DENND2B: variants seen among roughly 807,000 people sequenced by gnomAD.
DENND2B encodes the protein DENN domain-containing protein 2B.
In DENND2B, 32 loss-of-function variants were observed where a neutral mutation model predicts 116.0. That is an observed-to-expected ratio of 0.28 (90% CI 0.21 to 0.37). The LOEUF is 0.37. DENND2B is among the 10% of genes least tolerant of loss of function. The pLI is 1.00. For synonymous variants in DENND2B, 588 were observed against 583.9 expected (o/e 1.01, Z -0.10); for missense variants, 1,276 against 1,477.7 (o/e 0.86, Z 2.24).
chr11:8,696,211 A>G (rs191703252), intron 18 of DENND2B, among the ~76,000 whole-genome samples: 3 of 152,292 alleles, frequency 2.0e-5, no homozygotes, highest in East Asian at 3.9e-4. Context: ...GATGAGTCCT[A>G]CCTCTAGCCA....
At chr11:8,754,050 C>CACACACACACACACAG (rs2134069568) in intron 1 of DENND2B, among the ~76,000 whole-genome samples, 1 of 152,140 alleles carries the variant, frequency 6.6e-6, no homozygotes, top group East Asian at 1.9e-4. Flanking sequence ...CACACACACA[C>CACACACACACACACAG]ACACACACAC....
At chr11:8,700,033 A>G (rs907205868) in intron 14 of DENND2B, 3 of 455,496 alleles carry the variant, frequency 6.6e-6, no homozygotes, top group Admixed American at 4.7e-5. Flanking sequence ...AGGAAACAAT[A>G]GCTGTATTCA....
At chr11:8,841,002 C>G (rs1455832685) in intron 3 of DENND2B, among the ~76,000 whole-genome samples, 1 of 152,168 alleles carries the variant, frequency 6.6e-6, no homozygotes, top group Non-Finnish European at 1.5e-5. Flanking sequence ...ATGAAACAAG[C>G]TGGACAGTCA....
At chr11:8,817,640 G>C (rs1482164277) in intron 4 of DENND2B, among the ~76,000 whole-genome samples, 1 of 151,980 alleles carries the variant, frequency 6.6e-6, no homozygotes, top group African/African-American at 2.4e-5. Flanking sequence ...TTCATGCTAG[G>C]TTGCGCCCCC....
intron 2 of DENND2B, among the ~76,000 whole-genome samples, chr11:8,748,436 G>T (rs1409680085): frequency 6.6e-6 from 1 of 152,210 alleles, no homozygotes; most frequent in East Asian, 1.9e-4. Flanking sequence ...AAATGAACTG[G>T]TGATTTACTG....
At chr11:8,823,032 G>C (rs1367744222) in intron 4 of DENND2B, among the ~76,000 whole-genome samples, 1 of 152,048 alleles carries the variant, frequency 6.6e-6, no homozygotes. Flanking sequence ...TTATTGTAGG[G>C]AATAAAATAG....
At chr11:8,856,371 G>GATGGAAAAAGATTTCTGGGT (rs1375838822) in intron 3 of DENND2B, among the ~76,000 whole-genome samples, 2 of 152,206 alleles carry the variant, frequency 1.3e-5, no homozygotes, top group African/African-American at 4.8e-5. Flanking sequence ...TTTTGTTAGA[G>GATGGAAAAAGATTTCTGGGT]ATGGAAAAAG....
intron 1 of DENND2B, among the ~76,000 whole-genome samples, chr11:8,778,191 G>A (rs2057953720): frequency 6.6e-6 from 1 of 152,214 alleles, no homozygotes. Flanking sequence ...TGGATCACCA[G>A]CAACTAGCTC....
At chr11:8,788,726 C>T (rs941039288) in intron 1 of DENND2B, among the ~76,000 whole-genome samples, 3 of 152,168 alleles carry the variant, frequency 2.0e-5, no homozygotes, top group African/African-American at 7.2e-5. Flanking sequence ...GAGTCACCCA[C>T]ACTTTTGCAC....
At chr11:8,896,343 G>A (rs1717364618) in intron 1 of DENND2B, among the ~76,000 whole-genome samples, 1 of 152,102 alleles carries the variant, frequency 6.6e-6, no homozygotes, top group African/African-American at 2.4e-5. Context: ...AGAGAGTCCA[G>A]AATTATATCA....
intron 4 of DENND2B, among the ~76,000 whole-genome samples, chr11:8,819,454 T>C (rs1443779881): frequency 6.6e-6 from 1 of 152,058 alleles, no homozygotes; most frequent in African/African-American, 2.4e-5. Flanking sequence ...AAAGTATCTC[T>C]CCCAGAGTAT....
chr11:8,841,992 G>T (rs2062640055), intron 3 of DENND2B, among the ~76,000 whole-genome samples: 1 of 152,160 alleles, frequency 6.6e-6, no homozygotes, highest in Admixed American at 6.5e-5. Flanking sequence ...GCACAAGGCG[G>T]CATCACAAAG....
chr11:8,857,720 A>G (rs2063243824), intron 2 of DENND2B, among the ~76,000 whole-genome samples: 1 of 152,200 alleles, frequency 6.6e-6, no homozygotes, highest in African/African-American at 2.4e-5. Context: ...GTGTAGAAGA[A>G]AGGGAACTAA....
In DENND2B at chr11:8,714,017, G is replaced by A; in HGVS notation, c.1968C>T (p.Asp656=). Residue 656 remains aspartate, a synonymous_variant, in exon 8 of 20, where the codon GAC becomes GAT. Coordinates refer to ENST00000313726, the MANE Select transcript of DENND2B (RefSeq NM_213618.2). ...LRDENSESES[D]SDDRFKAHTQ... ...CCTCACCTTTGAACCTGTCATCAGAGTCGCTCTCGCTCTCACTGTTTTCAT... is the reference window on the plus strand; with the variant it reads ...CCTCACCTTTGAACCTGTCATCAGAATCGCTCTCGCTCTCACTGTTTTCAT... 6.2e-7 allele frequency: 1 copy of A among 1,614,142 alleles called. No homozygotes were observed. The highest frequency in any genetic ancestry group is 1.1e-5 in the South Asian group (1 of 91,088).
chr11:8,722,762 C>T (rs1198376351), intron 4 of DENND2B, among the ~76,000 whole-genome samples: 1 of 152,150 alleles, frequency 6.6e-6, no homozygotes, highest in Non-Finnish European at 1.5e-5. Flanking sequence ...CTCCGGAAAC[C>T]ACCCCCACCA....
intron 1 of DENND2B, chr11:8,895,694 T>C (rs1028514470): frequency 3.3e-5 from 5 of 152,340 alleles, no homozygotes; most frequent in South Asian, 4.1e-4. Flanking sequence ...ATTTTGAATA[T>C]ATTTAATACC....
At chr11:8,853,852 TA>T (rs1050158826) in intron 3 of DENND2B, among the ~76,000 whole-genome samples, 5 of 151,802 alleles carry the variant, frequency 3.3e-5, no homozygotes, top group Admixed American at 2.0e-4. Context: ...ACTATATTTT[TA>T]ATTTTTTTTT....
intron 1 of DENND2B, among the ~76,000 whole-genome samples, chr11:8,782,013 A>G (rs1264204092): frequency 6.6e-6 from 1 of 152,232 alleles, no homozygotes; most frequent in African/African-American, 2.4e-5. Flanking sequence ...AACAATCTGG[A>G]ATTACCTAGT....
Position 8,730,826 on chromosome 11 carries a change from G to A in DENND2B, c.464C>T (p.Thr155Ile). 6 of 1,613,206 alleles carry A rather than the reference G, an allele frequency of 3.7e-6. No individual in the cohort carries two copies. The highest frequency in any genetic ancestry group is 5.1e-6 in the Non-Finnish European group (6 of 1,179,962). The change falls in exon 3 of 20, where the codon ACC becomes ATC. Residue 155 changes from threonine to isoleucine, a missense_variant. Physicochemically the swap from Thr to Ile is moderately conservative, Grantham distance 89. Around this residue, in one of 2 missense-constraint regions of DENND2B, gnomAD observed 856 missense variants for 846.6 expected, o/e 1.01. Transcript: ENST00000313726. The surrounding 1 kb of genome is among the most constrained non-coding windows in gnomAD (Gnocchi z 4.1). ...AGPRGVLLTR[T>I]GTRAHSLGIR... is the part of the protein sequence containing the mutation. ...GCCCAGGCTGTGGGCGCGGGTACCG[G>A]TACGGGTCAGCAAGACGCCCCGGGG...
Sources: allele counts gnomAD v4.1 joint callset (sites outside exome capture counted in the v4.1 genomes callset), GRCh38; gene constraint gnomAD v4.1.1; regional missense constraint gnomAD v4.1.1; non-coding constraint Gnocchi (gnomAD v3.1); transcripts MANE v1.5; gene names NCBI Gene and HGNC (gene_info 2026-07-23, HGNC 2026-07-21).